The following PTPRD variants were observed in gnomAD, a reference collection of about 807,000 sequenced individuals.
PTPRD encodes protein tyrosine phosphatase receptor type D.
In PTPRD, 34 loss-of-function variants were observed where a neutral mutation model predicts 214.5. The observed-to-expected ratio is 0.16, with a 90% CI of 0.12 to 0.21. PTPRD has a LOEUF of 0.21. Ranked by LOEUF, PTPRD falls within the 10% of genes least tolerant of loss-of-function variation. PTPRD has a pLI of 1.00. For missense variants in PTPRD, 2,545 were observed against 2,398.7 expected (o/e 1.06, Z -1.27); for synonymous variants, 1,128 against 845.7 (o/e 1.33, Z -5.79).
intron 9 of PTPRD, among the ~76,000 whole-genome samples, chr9:9,214,645 C>A (rs1242377832): frequency 1.3e-5 from 2 of 152,068 alleles, no homozygotes; most frequent in Non-Finnish European, 2.9e-5. Flanking sequence ...TTTTTGTACA[C>A]ATTTGTTTTT....
intron 3 of PTPRD, among the ~76,000 whole-genome samples, chr9:10,151,368 T>G (rs2099060190): frequency 6.8e-6 from 1 of 147,998 alleles, no homozygotes; most frequent in African/African-American, 2.5e-5. Flanking sequence ...GTTCAAGCGA[T>G]TCTCCTTCCT....
chr9:9,513,519 C>T (rs1376166728), intron 8 of PTPRD, among the ~76,000 whole-genome samples: 1 of 150,416 alleles, frequency 6.6e-6, no homozygotes, highest in East Asian at 2.0e-4. Context: ...CTTAAAGATC[C>T]AAAAATTATT....
At chr9:10,061,519 CTAAGTTCACACACTAGAG>C (rs1232938537) in intron 3 of PTPRD, among the ~76,000 whole-genome samples, 2 of 152,028 alleles carry the variant, frequency 1.3e-5, no homozygotes, top group Non-Finnish European at 2.9e-5. Flanking sequence ...GCTTTGAAGA[CTAAGTTCACACACTAGAG>C]TAATTAACTA....
chr9:10,086,731 T>G (rs1336258017), intron 3 of PTPRD, among the ~76,000 whole-genome samples: 1 of 151,792 alleles, frequency 6.6e-6, no homozygotes, highest in Non-Finnish European at 1.5e-5. Context: ...TATATCTTGT[T>G]TAAGATAAAT....
At chr9:9,759,061 T>TA (rs1210882685) in intron 6 of PTPRD, among the ~76,000 whole-genome samples, 8 of 152,144 alleles carry the variant, frequency 5.3e-5, no homozygotes, top group Non-Finnish European at 7.3e-5. Flanking sequence ...TCAGACTTTT[T>TA]ATCAAACCAA....
intron 5 of PTPRD, among the ~76,000 whole-genome samples, chr9:9,795,754 T>C (rs2098998131): frequency 7.1e-6 from 1 of 141,810 alleles, no homozygotes; most frequent in African/African-American, 2.9e-5. Flanking sequence ...TGGTTTATGT[T>C]TCCTATTGTA....
At position 9,926,893 on chromosome 9, in the gene PTPRD, G is replaced by C. The variant is rs187108760; in HGVS notation, c.-368+11614C>G. Among the ~76,000 whole-genome samples the C allele has an allele frequency of 1.2e-3, 177 of 152,146 alleles. 2 individuals are homozygous for C. Among genetic ancestry groups the C allele is most frequent in the Non-Finnish European group, 1.5e-3 (99 of 67,980 alleles). ...ATTGGAATTGTATTTATTACAAATG[G>C]AAAAAGCTTTCCTGTAGCACACCAA... On this transcript the variant is annotated intron_variant, in intron 5 of 45. Transcript: ENST00000381196.
intron 39 of PTPRD, among the ~76,000 whole-genome samples, chr9:8,353,180 C>T (rs2075981554): frequency 1.3e-5 from 2 of 152,114 alleles, no homozygotes; most frequent in Non-Finnish European, 2.9e-5. Context: ...GTTTGGAAGG[C>T]TCTAAATCTG....
Position 9,685,605 on chromosome 9 carries a change from T to C in PTPRD, c.-287+48928A>G, listed in dbSNP as rs2097153070. Among the ~76,000 whole-genome samples, 2 of 151,248 alleles carry C rather than the reference T, an allele frequency of 1.3e-5. 1 individual carries two copies. Among genetic ancestry groups the C allele is most frequent in the South Asian group, 4.1e-4 (2 of 4,826 alleles). On this transcript the variant is annotated intron_variant, in intron 7 of 45. Coordinates refer to ENST00000381196, the MANE Select transcript of PTPRD (RefSeq NM_002839.4). ...AATCAAAATATTCAGACACCCTCAT[T>C]GAATTAAAGAAACAAGGAAAAGTAT...
chr9:10,598,759 G>A (rs923501314), intron 2 of PTPRD, among the ~76,000 whole-genome samples: 18 of 148,628 alleles, frequency 1.2e-4, no homozygotes, highest in Non-Finnish European at 3.0e-5. Context: ...GAGGTAAATA[G>A]GTAGAAAATC....
At chr9:9,154,503 A>T (rs1269933359) in intron 10 of PTPRD, among the ~76,000 whole-genome samples, 1 of 152,186 alleles carries the variant, frequency 6.6e-6, no homozygotes, top group Admixed American at 6.6e-5. Flanking sequence ...CTCTTTTCTC[A>T]TAAAGATATG....
intron 4 of PTPRD, among the ~76,000 whole-genome samples, chr9:9,947,493 A>T (rs1478332526): frequency 6.1e-5 from 2 of 32,678 alleles, no homozygotes; most frequent in African/African-American, 1.4e-4. Context: ...TATATATATT[A>T]TATATATTTT....
chr9:9,999,544 T>C (rs750713125), intron 4 of PTPRD, among the ~76,000 whole-genome samples: 3 of 152,208 alleles, frequency 2.0e-5, no homozygotes, highest in Non-Finnish European at 4.4e-5. Flanking sequence ...CAAAGAGAAA[T>C]GTTGTCTTGG....
chr9:9,758,622 G>T (rs1007149868), intron 6 of PTPRD, among the ~76,000 whole-genome samples: 2 of 152,048 alleles, frequency 1.3e-5, no homozygotes. Flanking sequence ...GTTACATATG[G>T]AAGGACTGTG....
intron 10 of PTPRD, among the ~76,000 whole-genome samples, chr9:9,087,325 T>A (rs1010167165): frequency 6.6e-6 from 1 of 152,290 alleles, no homozygotes; most frequent in East Asian, 1.9e-4. Flanking sequence ...ATAGAGAAGA[T>A]AAATCACAAA....
At chr9:10,335,689 G>C (rs987882462) in intron 3 of PTPRD, among the ~76,000 whole-genome samples, 1 of 151,646 alleles carries the variant, frequency 6.6e-6, no homozygotes, top group Non-Finnish European at 1.5e-5. Context: ...ATTTGTAAAA[G>C]AGATATCTGA....
chr9:8,560,032 T>C (rs943409039), intron 14 of PTPRD, among the ~76,000 whole-genome samples: 1 of 152,218 alleles, frequency 6.6e-6, no homozygotes, highest in Non-Finnish European at 1.5e-5. Flanking sequence ...CTATATGCAG[T>C]AAGCAAGTAA....
At chr9:9,095,358 A>G (rs764022092) in intron 10 of PTPRD, among the ~76,000 whole-genome samples, 1 of 152,228 alleles carries the variant, frequency 6.6e-6, no homozygotes, top group Non-Finnish European at 1.5e-5. Context: ...GAAAATCTGA[A>G]GAAATCTATA....
intron 12 of PTPRD, among the ~76,000 whole-genome samples, chr9:8,711,900 A>G (rs1343575506): frequency 6.6e-6 from 1 of 152,240 alleles, no homozygotes; most frequent in African/African-American, 2.4e-5. Flanking sequence ...TTTATGCAAC[A>G]ACATGGATGA....
Sources: allele counts gnomAD v4.1 joint callset (sites outside exome capture counted in the v4.1 genomes callset), GRCh38; gene constraint gnomAD v4.1.1; transcripts MANE v1.5; gene names NCBI Gene and HGNC (gene_info 2026-07-23, HGNC 2026-07-21).